The following RILP variants were observed in gnomAD, a reference collection of about 807,000 sequenced individuals.
RILP encodes the protein Rab interacting lysosomal protein.
RILP carries 53 observed loss-of-function variants against 40.0 expected under a neutral mutation model. The ratio of observed to expected loss-of-function variants is 1.32; its 90% confidence interval spans 1.06 to 1.66. The LOEUF is 1.66. RILP is among the 40% of genes most tolerant of loss of function. The pLI is 0.00. For missense variants in RILP, 626 were observed against 551.7 expected, an observed-to-expected ratio of 1.13 and a Z score of -1.35; for synonymous variants, 272 against 250.6, an observed-to-expected ratio of 1.09 and a Z score of -0.80.
Position 1,646,786 on chromosome 17 carries a change from G to T in RILP, c.1028+120C>A. 1 of 1,064,326 alleles carries T rather than the reference G, an allele frequency of 9.4e-7. No homozygotes were observed. The highest frequency in any genetic ancestry group is 1.4e-6 in the Non-Finnish European group (1 of 734,148). 65.9% of individuals were successfully genotyped at this position (1,064,326 alleles called of 1,614,324 possible). On this transcript the variant is annotated intron_variant, in intron 7 of 7. Transcript: ENST00000301336. The surrounding 1 kb of genome is among the most constrained non-coding windows in gnomAD (Gnocchi z 4.3). ...CCAGAGAAGCAGGAGGGGACGGTGT[G>T]CTTAGAGCCAAGCACAGCAGGGTGA...
Position 1,646,852 on chromosome 17 carries a change from C to G in RILP, c.1028+54G>C. The G allele has an allele frequency of 1.5e-6, 2 of 1,363,338 alleles. No individual in the cohort carries two copies. Among genetic ancestry groups the G allele is most frequent in the Non-Finnish European group, 1.0e-6 (1 of 989,684 alleles). The allele number at this position is 1,363,338 out of a possible 1,614,324, so 84.5% of individuals were successfully genotyped here. A position where few individuals can be genotyped will look rare whatever the true frequency, so the allele number is the denominator to read the frequency against. ...GAAAGGGGATCCTGAGAAGGACCAG[C>G]CAGGGCCCTTCCTCCCTCCCCACAC... On this transcript the variant is annotated intron_variant, in intron 7 of 7. Coordinates refer to ENST00000301336, the MANE Select transcript of RILP (RefSeq NM_031430.3). This position sits in a 1 kb window ranked among gnomAD's most constrained non-coding sequence, Gnocchi z 4.3.
In RILP at chr17:1,649,169, G is replaced by A; in HGVS notation, c.429+31C>T. On this transcript the variant is annotated intron_variant, in intron 3 of 7. Coordinates refer to ENST00000301336, the MANE Select transcript of RILP (RefSeq NM_031430.3). The surrounding 1 kb of genome is among the most constrained non-coding windows in gnomAD (Gnocchi z 4.3). ...CCAGCGCCTGCCACGCTCCGCCCCC[G>A]CCCCGCCCCAGAGCCCCGCCCCGCC... The A allele has an allele frequency of 9.3e-6, 3 of 324,054 alleles. No homozygotes were observed. Among genetic ancestry groups the A allele is most frequent in the Non-Finnish European group, 1.4e-5 (3 of 219,736 alleles). 20.1% of individuals were successfully genotyped at this position (324,054 alleles called of 1,614,324 possible). A position where few individuals can be genotyped will look rare whatever the true frequency, so the allele number is the denominator to read the frequency against.
At chr17:1,647,626 C>T (rs757605125) in intron 6 of RILP, among the ~76,000 whole-genome samples, 1 of 152,094 alleles carries the variant, frequency 6.6e-6, no homozygotes, top group African/African-American at 2.4e-5. Flanking sequence ...GGGAGAAGGG[C>T]GCAGGCTGGA....
In RILP at chr17:1,649,567, C is replaced by T; in HGVS notation, c.228+10G>A. 1 of 1,547,936 alleles carries T rather than the reference C, an allele frequency of 6.5e-7. No individual in the cohort carries two copies. The highest frequency in any genetic ancestry group is 2.4e-5 in the East Asian group (1 of 41,676). On this transcript the variant is annotated intron_variant, in intron 1 of 7. Transcript: ENST00000301336. This position sits in a 1 kb window ranked among gnomAD's most constrained non-coding sequence, Gnocchi z 4.3. ...GCCCCGTGGGTGGCGAAGGGAGGGC[C>T]ATGACTCACCGAGTCCGGGGCGGGC...
rs1177978567 is a variant in RILP at position 1,649,757 on chromosome 17, C to T, written c.48G>A (p.Arg16=). The T allele has an allele frequency of 6.3e-7, 1 of 1,585,760 alleles. No individual in the cohort carries two copies. The highest frequency in any genetic ancestry group is 1.7e-5 in the Admixed American group (1 of 58,376). Residue 16 remains arginine (R), a synonymous_variant, in exon 1 of 8, where the codon CGG becomes CGA. Coordinates refer to ENST00000301336, the MANE Select transcript of RILP (RefSeq NM_031430.3). The surrounding 1 kb of genome is among the most constrained non-coding windows in gnomAD (Gnocchi z 4.3). ...CGGCCGATGCCGACCCCGCGGCCTC[C>T]CGAGACCCCCAGCCAGGCACCCCGG... ...AAPGVPGWGS[R]EAAGSASAAE...
chr17:1,646,449 T>A lies in RILP; in HGVS notation c.1199A>T (p.Glu400Val). The change falls in exon 8 of 8, where the codon GAG becomes GTG. Residue 400 changes from glutamate to valine, a missense_variant. Transcript: ENST00000301336. The surrounding 1 kb of genome is among the most constrained non-coding windows in gnomAD (Gnocchi z 4.3). ...CACAGCCAGACCCCTAAGTCAGGCC[T>A]CTGGGGCGGCTGAGGCCCCCAGACA... ...HLCLGASAAP[E>V]A 2 of 1,579,310 alleles carry A rather than the reference T, an allele frequency of 1.3e-6. No homozygotes were observed. The highest frequency in any genetic ancestry group is 2.7e-5 in the African/African-American group (2 of 73,888).
chr17:1,646,774 AGGGGAC>A lies in RILP; in HGVS notation c.1028+126_1028+131del. The A allele has an allele frequency of 9.5e-7, 1 of 1,047,576 alleles. No homozygotes were observed. The highest frequency in any genetic ancestry group is 1.4e-6 in the Non-Finnish European group (1 of 720,902). The allele number at this position is 1,047,576 out of a possible 1,614,324, so 64.9% of individuals were successfully genotyped here. A position where few individuals can be genotyped will look rare whatever the true frequency, so the allele number is the denominator to read the frequency against. On this transcript the variant is annotated intron_variant, in intron 7 of 7. Coordinates refer to ENST00000301336, the MANE Select transcript of RILP (RefSeq NM_031430.3). The surrounding 1 kb of genome is among the most constrained non-coding windows in gnomAD (Gnocchi z 4.3). ...TGGGGGCCAGGGCCAGAGAAGCAGG[AGGGGAC>A]GGTGTGCTTAGAGCCAAGCACAGCA...
chr17:1,647,807 C>T (rs1910702321), intron 6 of RILP, 28 bp downstream of exon 6: 1 of 1,613,782 alleles, frequency 6.2e-7, no homozygotes, highest in Non-Finnish European at 8.5e-7. Flanking sequence ...GGAGGCCTGG[C>T]TCCGTGGGAA....
At position 1,646,226 on chromosome 17, in the gene RILP, G is replaced by C. The variant is rs1246229455; in HGVS notation, c.*216C>G. The C allele has an allele frequency of 2.0e-6, 1 of 490,356 alleles. No homozygotes were observed. The highest frequency in any genetic ancestry group is 3.6e-6 in the Non-Finnish European group (1 of 280,294). 30.4% of individuals were successfully genotyped at this position (490,356 alleles called of 1,614,324 possible). A position where few individuals can be genotyped will look rare whatever the true frequency, so the allele number is the denominator to read the frequency against. On this transcript the variant is annotated 3_prime_UTR_variant, in exon 8 of 8. Transcript: ENST00000301336. The surrounding 1 kb of genome is among the most constrained non-coding windows in gnomAD (Gnocchi z 4.3). ...CAAAGCCCTGGGAGCTAGGCAGTCA[G>C]CTCTCATTTCATGGATGGGGAAACT...
chr17:1,648,216 A>C lies in RILP; in HGVS notation c.821+134T>G, dbSNP rs928850071. 4.1e-6 allele frequency: 5 copies of C among 1,206,764 alleles called. No homozygotes were observed. Among genetic ancestry groups the C allele is most frequent in the Non-Finnish European group, 5.8e-6 (5 of 860,756 alleles). 74.8% of individuals were successfully genotyped at this position (1,206,764 alleles called of 1,614,324 possible). On this transcript the variant is annotated intron_variant, in intron 5 of 7. Coordinates refer to ENST00000301336, the MANE Select transcript of RILP (RefSeq NM_031430.3). The surrounding 1 kb of genome is among the most constrained non-coding windows in gnomAD (Gnocchi z 4.9). ...CTCTCCCCTGTCTGGATGACATTGC[A>C]GGAGGGCAAGGGCTGTACAATTCAT...
At position 1,649,120 on chromosome 17, in the gene RILP, C is replaced by T; in HGVS notation, c.430-76G>A. 1 of 1,164,100 alleles carries T rather than the reference C, an allele frequency of 8.6e-7. No individual in the cohort carries two copies. The highest frequency in any genetic ancestry group is 1.1e-6 in the Non-Finnish European group (1 of 926,906). The allele number at this position is 1,164,100 out of a possible 1,614,324, so 72.1% of individuals were successfully genotyped here. ...AGCCCCGCCCAGCGCCTGCCTCGCT[C>T]CGCCCCCGCCCCCGGAGCCCCGCCC... On this transcript the variant is annotated intron_variant, in intron 3 of 7. Transcript: ENST00000301336. The surrounding 1 kb of genome is among the most constrained non-coding windows in gnomAD (Gnocchi z 4.3).
Position 1,646,398 on chromosome 17 carries a change from T to A in RILP, c.*44A>T, listed in dbSNP as rs762260460. 1.3e-6 allele frequency: 2 copies of A among 1,512,334 alleles called. No individual in the cohort carries two copies. The highest frequency in any genetic ancestry group is 1.8e-6 in the Non-Finnish European group (2 of 1,127,630). The allele number at this position is 1,512,334 out of a possible 1,614,324, so 93.7% of individuals were successfully genotyped here. On this transcript the variant is annotated 3_prime_UTR_variant, in exon 8 of 8. Coordinates refer to ENST00000301336, the MANE Select transcript of RILP (RefSeq NM_031430.3). This position sits in a 1 kb window ranked among gnomAD's most constrained non-coding sequence, Gnocchi z 4.3. ...GAGGGCTGTGAAGGCGGGAGCCCTG[T>A]CCTCATTTGAGGCCACACATCCTTC...
chr17:1,648,880 G>C lies in RILP; in HGVS notation c.594C>G (p.Ala198=). 1 of 1,532,194 alleles carries C rather than the reference G, an allele frequency of 6.5e-7. No homozygotes were observed. The highest frequency in any genetic ancestry group is 1.2e-5 in the South Asian group (1 of 83,458). 94.9% of individuals were successfully genotyped at this position (1,532,194 alleles called of 1,614,324 possible). The change falls in exon 4 of 8, where the codon GCC becomes GCG. Residue 198 remains alanine, a synonymous_variant. Transcript: ENST00000301336. The surrounding 1 kb of genome is among the most constrained non-coding windows in gnomAD (Gnocchi z 4.9). ...PQAKERARGQ[A]GRPGHQHGQE... is the part of the protein sequence containing the mutation. ...GTCCGTGCTGGTGCCCGGGCCGCCCGGCCTGCCCCCGCGCTCGCTCTTTAG... is the reference window on the plus strand; with the variant it reads ...GTCCGTGCTGGTGCCCGGGCCGCCCCGCCTGCCCCCGCGCTCGCTCTTTAG...
In RILP at chr17:1,649,243, G is replaced by C. The variant is rs759652929; in HGVS notation, c.386C>G (p.Ala129Gly). The stretch of plus-strand genomic sequence containing the variant: ...GCGCTGCCGCAGGTCGCGGTTGTGC[G>C]CCCGGAGTTCGTCCCGCTGTCGGTC... ...VTDRQRDELR[A>G]HNRDLRQRGQ... The change falls in exon 3 of 8, where the codon GCG (alanine) becomes GGG (glycine). Residue 129 changes from alanine (A) to glycine (G), a missense_variant. Ala to Gly is a moderately conservative substitution (Grantham distance 60, BLOSUM62 0). Transcript: ENST00000301336. The surrounding 1 kb of genome is among the most constrained non-coding windows in gnomAD (Gnocchi z 4.3). 2 of 1,500,764 alleles carry C rather than the reference G, an allele frequency of 1.3e-6. No individual in the cohort carries two copies. Among genetic ancestry groups the C allele is most frequent in the South Asian group, 2.5e-5 (2 of 80,686 alleles). The allele number at this position is 1,500,764 out of a possible 1,614,324, so 93.0% of individuals were successfully genotyped here. A position where few individuals can be genotyped will look rare whatever the true frequency, so the allele number is the denominator to read the frequency against.
Position 1,647,957 on chromosome 17 carries a change from C to G in RILP, c.822G>C (p.Arg274=). The G allele has an allele frequency of 6.2e-7, 1 of 1,613,814 alleles. No homozygotes were observed. Among genetic ancestry groups the G allele is most frequent in the Non-Finnish European group, 8.5e-7 (1 of 1,179,958 alleles). ...LLKEELAYFQ[R]ELLTDHRVPG... The stretch of plus-strand genomic sequence containing the variant: ...GGACCCGGTGGTCTGTGAGCAGCTC[C>G]CTAAAGAAAAGGGGCAGGGAGGGAG... The change falls in exon 6 of 8, where the codon CGG becomes CGC. Residue 274 remains arginine (R), a splice_region_variant and synonymous_variant. Transcript: ENST00000301336.
In RILP at chr17:1,646,495, A is replaced by C; in HGVS notation, c.1153T>G (p.Ser385Ala). ...AGACAAAGGTGTTCGTGGAGGGCAG[A>C]ACAGGGCGGATCAGGAGCTGGAGAC... ...PQSPAPDPPCSALHEHLCLGA... is the reference protein window; with the variant it reads ...PQSPAPDPPCAALHEHLCLGA... Residue 385 changes from serine (S) to alanine (A), a missense_variant, in exon 8 of 8, where the codon TCT (serine) becomes GCT (alanine). Transcript: ENST00000301336. This position sits in a 1 kb window ranked among gnomAD's most constrained non-coding sequence, Gnocchi z 4.3. The C allele has an allele frequency of 6.2e-7, 1 of 1,612,654 alleles. No homozygotes were observed. Among genetic ancestry groups the C allele is most frequent in the Non-Finnish European group, 8.5e-7 (1 of 1,179,308 alleles).
At position 1,649,412 on chromosome 17, in the gene RILP, C is replaced by G; in HGVS notation, c.322G>C (p.Glu108Gln). 1 of 1,506,452 alleles carries G rather than the reference C, an allele frequency of 6.6e-7. No individual in the cohort carries two copies. Among genetic ancestry groups the G allele is most frequent in the Non-Finnish European group, 8.8e-7 (1 of 1,135,058 alleles). The allele number at this position is 1,506,452 out of a possible 1,614,324, so 93.3% of individuals were successfully genotyped here. A position where few individuals can be genotyped will look rare whatever the true frequency, so the allele number is the denominator to read the frequency against. The change falls in exon 2 of 8, where the codon GAG (glutamate) becomes CAG (glutamine). Residue 108 changes from glutamate (E) to glutamine (Q), a missense_variant and splice_region_variant. Transcript: ENST00000301336. This position sits in a 1 kb window ranked among gnomAD's most constrained non-coding sequence, Gnocchi z 4.3. ...LRRELRAGPQ[E>Q]ERALLRQLKE... ...CTGCCCTGGCCGGGGCTGCGCTTAC[C>G]CTGTGGCCCCGCGCGCAGCTCCCTG... is the stretch of plus-strand genomic sequence containing the variant.
Position 1,646,990 on chromosome 17 carries a change from C to G in RILP, c.945-1G>C, listed in dbSNP as rs779315514. On this transcript the variant is annotated splice_acceptor_variant, in intron 6 of 7. Coordinates refer to ENST00000301336, the MANE Select transcript of RILP (RefSeq NM_031430.3). LOFTEE classifies it high-confidence loss of function. This position sits in a 1 kb window ranked among gnomAD's most constrained non-coding sequence, Gnocchi z 4.3. ...GATCCATGGGCCAGCCTCATCCTCACTGAGACAGAGGAGAGAGGAGAAGTG... is the reference window on the plus strand; with the variant it reads ...GATCCATGGGCCAGCCTCATCCTCAGTGAGACAGAGGAGAGAGGAGAAGTG... 6.9e-6 allele frequency: 11 copies of G among 1,598,096 alleles called. No individual in the cohort carries two copies. The highest frequency in any genetic ancestry group is 8.5e-6 in the Non-Finnish European group (10 of 1,171,266).
chr17:1,647,628 C>A (rs1231165520), intron 6 of RILP, among the ~76,000 whole-genome samples: 1 of 152,146 alleles, frequency 6.6e-6, no homozygotes, highest in East Asian at 1.9e-4. Flanking sequence ...GAGAAGGGCG[C>A]AGGCTGGACA....
Sources: gnomAD v4.1 joint callset for allele counts (sites outside exome capture counted in the v4.1 genomes callset) on GRCh38, gnomAD v4.1.1 for gene constraint, Gnocchi (gnomAD v3.1) non-coding constraint, MANE v1.5 for transcripts, NCBI Gene and HGNC (gene_info 2026-07-23, HGNC 2026-07-21) for gene names.